Variants in MRTFA observed in about 807,000 individuals in gnomAD.
MRTFA encodes the protein myocardin-related transcription factor A.
In MRTFA, 20 loss-of-function variants were observed where a neutral mutation model predicts 83.5. The observed-to-expected ratio is 0.24, with a 90% CI of 0.17 to 0.35. The LOEUF is 0.35. Ranked by LOEUF, MRTFA falls within the 10% of genes least tolerant of loss-of-function variation. The pLI is 1.00. For synonymous variants in MRTFA, 659 were observed against 541.2 expected (o/e 1.22, Z -3.02); for missense variants, 1,200 against 1,224.7 (o/e 0.98, Z 0.30).
chr22:40,610,763 C>A (rs2056377485), intron 1 of MRTFA, among the ~76,000 whole-genome samples: 2 of 151,710 alleles, frequency 1.3e-5, no homozygotes, highest in African/African-American at 4.8e-5. Context: ...GGCGCAACTA[C>A]TACCCCAGTG....
intron 3 of MRTFA, among the ~76,000 whole-genome samples, chr22:40,513,061 G>A (rs930708109): frequency 7.2e-5 from 11 of 152,282 alleles, no homozygotes; most frequent in Admixed American, 2.0e-4. Context: ...TACAAGGAGT[G>A]AGTCTGTTTG....
intron 1 of MRTFA, among the ~76,000 whole-genome samples, chr22:40,633,302 C>T (rs1231489066): frequency 6.6e-6 from 1 of 152,178 alleles, no homozygotes; most frequent in Non-Finnish European, 1.5e-5. Flanking sequence ...TGAGCACCTG[C>T]TATGTCCCAA....
intron 6 of MRTFA, among the ~76,000 whole-genome samples, chr22:40,430,777 T>C (rs1044236183): frequency 1.3e-5 from 2 of 149,410 alleles, no homozygotes; most frequent in African/African-American, 5.0e-5. Context: ...GGAGAATCGC[T>C]TGAACCTGGA....
intron 3 of MRTFA, among the ~76,000 whole-genome samples, chr22:40,486,212 C>A (rs774351831): frequency 2.6e-5 from 4 of 152,210 alleles, no homozygotes; most frequent in Non-Finnish European, 5.9e-5. Context: ...ATCAAGGCTT[C>A]TCCCACCAAG....
chr22:40,589,373 A>G (rs1366176336), intron 2 of MRTFA, among the ~76,000 whole-genome samples: 1 of 152,220 alleles, frequency 6.6e-6, no homozygotes, highest in Non-Finnish European at 1.5e-5. Flanking sequence ...CCAAATGCCT[A>G]TTTAATCCTC....
intron 3 of MRTFA, among the ~76,000 whole-genome samples, chr22:40,551,202 G>A (rs1369704826): frequency 2.0e-5 from 3 of 151,950 alleles, no homozygotes; most frequent in Non-Finnish European, 4.4e-5. Flanking sequence ...ATTAAAAAAA[G>A]GTTGAGGTAT....
intron 3 of MRTFA, among the ~76,000 whole-genome samples, chr22:40,467,877 T>C (rs1041305157): frequency 1.3e-5 from 2 of 152,208 alleles, no homozygotes; most frequent in African/African-American, 4.8e-5. Flanking sequence ...TGTTTCTAAA[T>C]GGGCCTGTGT....
chr22:40,413,351 T>C (rs897600932), intron 14 of MRTFA, among the ~76,000 whole-genome samples: 1 of 151,320 alleles, frequency 6.6e-6, no homozygotes, highest in African/African-American at 2.4e-5. Context: ...AATTTTTTTT[T>C]TTTTTTTGAG....
Position 40,416,002 on chromosome 22 carries a change from C to T in MRTFA, c.2578+984G>A, listed in dbSNP as rs2052671732. Among the ~76,000 whole-genome samples, 1 of 152,148 alleles carries T rather than the reference C, an allele frequency of 6.6e-6. No individual in the cohort carries two copies. The highest frequency in any genetic ancestry group is 2.4e-5 in the African/African-American group (1 of 41,426). The stretch of plus-strand genomic sequence containing the variant: ...TGCCAATCTAGATGTGACAACACTC[C>T]AACTCCTACCTCCAGCCCAGACCTC... On this transcript the variant is annotated intron_variant, in intron 14 of 14. Transcript: ENST00000355630. This position sits in a 1 kb window ranked among gnomAD's most constrained non-coding sequence, Gnocchi z 4.2.
intron 7 of MRTFA, among the ~76,000 whole-genome samples, chr22:40,426,636 C>G (rs749620746): frequency 6.6e-6 from 1 of 152,134 alleles, no homozygotes; most frequent in African/African-American, 2.4e-5. Context: ...TACCTCTGTA[C>G]CTTTTCCACT....
intron 2 of MRTFA, among the ~76,000 whole-genome samples, chr22:40,570,577 CAAAAAAA>C (rs894548892): frequency 5.1e-3 from 119 of 23,138 alleles, no homozygotes; most frequent in African/African-American, 0.017. Flanking sequence ...GACTCTGTCT[CAAAAAAA>C]AAAAAAAAAA....
intron 3 of MRTFA, among the ~76,000 whole-genome samples, chr22:40,469,634 A>G (rs140430772): frequency 6.6e-6 from 1 of 152,308 alleles, no homozygotes; most frequent in East Asian, 1.9e-4. Context: ...AAACATATAG[A>G]ACACTCCACC....
chr22:40,446,273 T>C (rs749528331), intron 4 of MRTFA, among the ~76,000 whole-genome samples: 9 of 152,232 alleles, frequency 5.9e-5, no homozygotes, highest in Non-Finnish European at 1.0e-4. Context: ...TTTTACAAAA[T>C]TGATTTTTTC....
chr22:40,564,903 G>A (rs1257454394), intron 2 of MRTFA, among the ~76,000 whole-genome samples: 2 of 151,894 alleles, frequency 1.3e-5, no homozygotes, highest in East Asian at 1.9e-4. Context: ...CGCCCACCTC[G>A]GCTTCCCAAA....
intron 5 of MRTFA, 110 bp from the exon 6 acceptor site, chr22:40,431,590 T>C: frequency 1.2e-6 from 1 of 825,470 alleles, no homozygotes; most frequent in Non-Finnish European, 2.0e-6. Context: ...ACCTCTGCAG[T>C]TCCCACAACC....
chr22:40,481,699 C>T (rs2147185805), intron 3 of MRTFA, among the ~76,000 whole-genome samples: 1 of 152,080 alleles, frequency 6.6e-6, no homozygotes, highest in Admixed American at 6.5e-5. Context: ...GTATTCCAGA[C>T]ATAAGAAATT....
In MRTFA at chr22:40,552,239, T is replaced by C. The variant is rs768324962; in HGVS notation, c.108A>G (p.Leu36=). 1.5e-5 allele frequency: 6 copies of C among 398,898 alleles called. No homozygotes were observed. Among genetic ancestry groups the C allele is most frequent in the Non-Finnish European group, 2.2e-5 (5 of 226,118 alleles). The allele number at this position is 398,898 out of a possible 1,614,324, so 24.7% of individuals were successfully genotyped here. ...CACTCTGGGGACTGGGTGCCGCAGA[T>C]AAGGACACGAGCACTGGTTCATCAT... Residue 36 remains leucine, a synonymous_variant, in exon 3 of 15, where the codon TTA becomes TTG. Coordinates refer to ENST00000355630, the MANE Select transcript of MRTFA (RefSeq NM_020831.6).
In MRTFA at chr22:40,463,146, T is replaced by TC. The variant is rs2053744722; in HGVS notation, c.307+74dup. 7.0e-5 allele frequency: 88 copies of TC among 1,260,144 alleles called. 2 individuals carry two copies. The South Asian group carries it at 1.0e-3, about 14-fold the overall frequency. 78.1% of individuals were successfully genotyped at this position (1,260,144 alleles called of 1,614,324 possible). ...TCATCCTTGTTTTATGTTAGATGCT[T>TC]CCCATGGCATACTCGGTGAACACAG... On this transcript the variant is annotated intron_variant, in intron 4 of 14. Coordinates refer to ENST00000355630, the MANE Select transcript of MRTFA (RefSeq NM_020831.6).
intron 2 of MRTFA, among the ~76,000 whole-genome samples, chr22:40,558,370 G>A (rs2055563824): frequency 6.9e-6 from 1 of 145,930 alleles, no homozygotes; most frequent in Non-Finnish European, 1.5e-5. Context: ...ACCTTCCAAA[G>A]TGCTAGGATT....
Sources: allele counts gnomAD v4.1 joint callset (sites outside exome capture counted in the v4.1 genomes callset), GRCh38; gene constraint gnomAD v4.1.1; non-coding constraint Gnocchi (gnomAD v3.1); transcripts MANE v1.5; gene names NCBI Gene and HGNC (gene_info 2026-07-23, HGNC 2026-07-21).